Variants in TIGD6 observed in about 807,000 individuals in gnomAD.
TIGD6 encodes the protein tigger transposable element derived 6, also known as tigger transposable element-derived protein 6.
Under a neutral mutation model 2.6 loss-of-function variants are expected in TIGD6, and 1 was observed. The observed-to-expected ratio is 0.39, with a 90% CI of 0.14 to 1.85. The LOEUF (loss-of-function observed/expected upper bound fraction) is 1.85. TIGD6 is among the 40% of genes most tolerant of loss of function. TIGD6 has a pLI of 0.32. For missense variants in TIGD6, 601 were observed against 634.2 expected, an observed-to-expected ratio of 0.95 and a Z score of 0.56; for synonymous variants, 193 against 221.9, an observed-to-expected ratio of 0.87 and a Z score of 1.16.
intron 1 of TIGD6, 134 bp downstream of exon 1, chr5:150,000,340 A>C (rs1461726797): frequency 6.5e-6 from 1 of 153,030 alleles, no homozygotes; most frequent in African/African-American, 2.4e-5. Context: ...AAAGACTGAG[A>C]CAGGCTGAGG....
rs369451066 is a variant in TIGD6, at chr5:149,995,626, A to C, written c.723T>G (p.Ile241Met). 47 of 1,614,072 alleles carry C rather than the reference A, an allele frequency of 2.9e-5. No homozygotes were observed. In the African/African-American group the frequency reaches 5.2e-4, roughly 18 times the overall value. ...CTCGGTAATCACAAGGGAGGGAATG[A>C]ATGTTCTTGAGGCAGTGTGGGCTGG... ...RSASPHCLKN[I>M]HSLPCDYRAN... Residue 241 changes from isoleucine (I) to methionine (M), a missense_variant, in exon 2 of 2, where the codon ATT becomes ATG. Transcript: ENST00000296736.
intron 1 of TIGD6, among the ~76,000 whole-genome samples, chr5:149,998,987 TAAAGA>T (rs1755466643): frequency 6.6e-6 from 1 of 152,154 alleles, no homozygotes; most frequent in African/African-American, 2.4e-5. Context: ...TGGTGGGCCT[TAAAGA>T]ATAAACAAAT....
At chr5:149,999,480 G>C (rs966526500) in intron 1 of TIGD6, among the ~76,000 whole-genome samples, 3 of 152,090 alleles carry the variant, frequency 2.0e-5, no homozygotes, top group Non-Finnish European at 4.4e-5. Context: ...AGTAGTAATA[G>C]AGAGATGGTG....
chr5:149,996,470 T>C (rs565358609), intron 1 of TIGD6, 41 bp from the exon 2 acceptor site: 699 of 1,369,772 alleles, frequency 5.1e-4, no homozygotes, highest in Non-Finnish European at 6.4e-4. Flanking sequence ...AAACAATGGA[T>C]TTCCCCTAAA....
chr5:149,995,041 G>A lies in TIGD6; in HGVS notation c.1308C>T (p.Ile436=), dbSNP rs145618918. 7 of 1,614,084 alleles carry A rather than the reference G, an allele frequency of 4.3e-6. No homozygotes were observed. The African/African-American group carries it at 8.0e-5, about 18-fold the overall frequency. ...DLIISQDTDI[I]QDMVAGENTS... ...TATTTTCGCCAGCCACCATGTCCTG[G>A]ATGATGTCTGTGTCCTGAGAGATAA... is the stretch of plus-strand genomic sequence containing the variant. Residue 436 remains isoleucine (I), a synonymous_variant, in exon 2 of 2, where the codon ATC becomes ATT. Coordinates refer to ENST00000296736, the MANE Select transcript of TIGD6 (RefSeq NM_030953.4).
At chr5:149,997,697 C>T (rs757129266) in intron 1 of TIGD6, among the ~76,000 whole-genome samples, 2 of 150,410 alleles carry the variant, frequency 1.3e-5, no homozygotes, top group Non-Finnish European at 3.0e-5. Flanking sequence ...GGGTGGCTTA[C>T]GCCTGTAATC....
At position 149,996,404 on chromosome 5, in the gene TIGD6, G is replaced by T; in HGVS notation, c.-56C>A. 1 of 1,523,276 alleles carries T rather than the reference G, an allele frequency of 6.6e-7. No homozygotes were observed. The highest frequency in any genetic ancestry group is 8.8e-7 in the Non-Finnish European group (1 of 1,138,354). The allele number at this position is 1,523,276 out of a possible 1,614,324, so 94.4% of individuals were successfully genotyped here. A position where few individuals can be genotyped will look rare whatever the true frequency, so the allele number is the denominator to read the frequency against. ...CAGGACTGTCTGGTTCCTCCTCGCG[G>T]CTTGCTTTGCCCCAAGTGTGGAAAG... On this transcript the variant is annotated 5_prime_UTR_variant, in exon 2 of 2. Coordinates refer to ENST00000296736, the MANE Select transcript of TIGD6 (RefSeq NM_030953.4).
intron 1 of TIGD6, among the ~76,000 whole-genome samples, chr5:149,996,758 A>T (rs551026672): frequency 2.6e-5 from 4 of 152,368 alleles, no homozygotes; most frequent in Admixed American, 2.6e-4. Context: ...ATTCCGAGTT[A>T]TTCTCCAGCT....
At chr5:149,997,169 G>T (rs1182513173) in intron 1 of TIGD6, among the ~76,000 whole-genome samples, 1 of 152,182 alleles carries the variant, frequency 6.6e-6, no homozygotes, top group Non-Finnish European at 1.5e-5. Context: ...TACAAAGGGT[G>T]GTCAGGGATG....
chr5:149,995,528 C>G lies in TIGD6; in HGVS notation c.821G>C (p.Arg274Thr). The G allele has an allele frequency of 1.2e-6, 2 of 1,614,234 alleles. No individual in the cohort carries two copies. The highest frequency in any genetic ancestry group is 1.7e-6 in the Non-Finnish European group (2 of 1,180,044). The change falls in exon 2 of 2, where the codon AGG becomes ACG. Residue 274 changes from arginine to threonine, a missense_variant. Coordinates refer to ENST00000296736, the MANE Select transcript of TIGD6 (RefSeq NM_030953.4). ...GAGCAAGAGGATCCGGCGTTCCGCCCTCTTCATCCTGGCATCCACTTGCAT... is the reference window on the plus strand; with the variant it reads ...GAGCAAGAGGATCCGGCGTTCCGCCGTCTTCATCCTGGCATCCACTTGCAT... ...WLMQVDARMK[R>T]AERRILLLID...
rs1292821066 is a variant in TIGD6, at chr5:149,993,383, G to C, written c.*1400C>G. ...ACATCACACCATTAGCAGGTATTGT[G>C]TGAAACTTCTAAAAATGAAACTGAC... On this transcript the variant is annotated 3_prime_UTR_variant, in exon 2 of 2. Transcript: ENST00000296736. 1.3e-5 allele frequency: 2 copies of C among 152,132 alleles called. No individual in the cohort carries two copies. Among genetic ancestry groups the C allele is most frequent in the East Asian group, 3.8e-4 (2 of 5,196 alleles). 9.4% of individuals were successfully genotyped at this position (152,132 alleles called of 1,614,324 possible). A position where few individuals can be genotyped will look rare whatever the true frequency, so the allele number is the denominator to read the frequency against.
rs1389553064 is a variant in TIGD6 at position 149,995,463 on chromosome 5, C to T, written c.886G>A (p.Glu296Lys). The T allele has an allele frequency of 3.7e-6, 6 of 1,614,238 alleles. No individual in the cohort carries two copies. In the East Asian group the frequency reaches 1.3e-4, roughly 36 times the overall value. Residue 296 changes from glutamate (E) to lysine (K), a missense_variant, in exon 2 of 2, where the codon GAA becomes AAA. Transcript: ENST00000296736. ...CSAHNMLPHL[E>K]RIQVGYLPSN... is the part of the protein sequence containing the mutation. ...GGCAGATACCCAACCTGAATCCTTT[C>T]CAAGTGTGGAAGCATGTTATGAGCA...
Position 149,996,249 on chromosome 5 carries a change from C to T in TIGD6, c.100G>A (p.Ala34Thr), listed in dbSNP as rs1244483029. Residue 34 changes from alanine (A) to threonine (T), a missense_variant, in exon 2 of 2, where the codon GCA (alanine) becomes ACA (threonine). Transcript: ENST00000296736. ...VDSGKRKGDV[A>T]KEFGITPSTL... The stretch of plus-strand genomic sequence containing the variant: ...GAGGGAGTGATACCAAATTCTTTTG[C>T]CACATCACCTTTCCTCTTGCCTGAG... 6.2e-7 allele frequency: 1 copy of T among 1,614,154 alleles called. No homozygotes were observed. Among genetic ancestry groups the T allele is most frequent in the Non-Finnish European group, 8.5e-7 (1 of 1,180,034 alleles).
chr5:149,996,038 T>G lies in TIGD6; in HGVS notation c.311A>C (p.Lys104Thr). ...ILVTGSVIRKKALNLANMLGY... is the reference protein window; with the variant it reads ...ILVTGSVIRKTALNLANMLGY... ...AAGCATGTTGGCCAAGTTTAGTGCTTTTTTCCGAATGACAGAACCAGTCAC... is the reference window on the plus strand; with the variant it reads ...AAGCATGTTGGCCAAGTTTAGTGCTGTTTTCCGAATGACAGAACCAGTCAC... The change falls in exon 2 of 2, where the codon AAA becomes ACA. Residue 104 changes from lysine to threonine, a missense_variant. Lys to Thr is a moderately conservative substitution (Grantham distance 78). Transcript: ENST00000296736. 1.2e-6 allele frequency: 2 copies of G among 1,612,390 alleles called. No homozygotes were observed. Among genetic ancestry groups the G allele is most frequent in the South Asian group, 2.2e-5 (2 of 91,078 alleles).
rs773887955 is a variant in TIGD6 at position 149,996,105 on chromosome 5, CA to C, written c.243del (p.Val82PhefsTer15). 6.2e-7 allele frequency: 1 copy of C among 1,614,154 alleles called. No homozygotes were observed. Among genetic ancestry groups the C allele is most frequent in the Non-Finnish European group, 8.5e-7 (1 of 1,180,024 alleles). On this transcript the variant is annotated frameshift_variant, in exon 2 of 2. Coordinates refer to ENST00000296736, the MANE Select transcript of TIGD6 (RefSeq NM_030953.4). LOFTEE classifies it low-confidence loss of function (END_TRUNC). ...TGGATTTCTTGAAACCAAGCAAAAACAGCCTTATCAATGTCATCATAAAGAG... is the reference window on the plus strand; with the variant it reads ...TGGATTTCTTGAAACCAAGCAAAAACGCCTTATCAATGTCATCATAAAGAG... ...RSALYDDIDK[A>X]VFAWFQEIHA... is the part of the protein sequence containing the mutation.
rs539520583 is a variant in TIGD6, at chr5:149,994,065, C to G, written c.*718G>C. The G allele has an allele frequency of 2.0e-4, 30 of 152,252 alleles. No homozygotes were observed. Among genetic ancestry groups the G allele is most frequent in the African/African-American group, 5.8e-4 (24 of 41,544 alleles). 9.4% of individuals were successfully genotyped at this position (152,252 alleles called of 1,614,324 possible). A position where few individuals can be genotyped will look rare whatever the true frequency, so the allele number is the denominator to read the frequency against. ...GATGGGGGAGTATTCAGATGGCCAGCTAAAGAGAGAAGTTCTAGAACTCAG... is the reference window on the plus strand; with the variant it reads ...GATGGGGGAGTATTCAGATGGCCAGGTAAAGAGAGAAGTTCTAGAACTCAG... On this transcript the variant is annotated 3_prime_UTR_variant, in exon 2 of 2. Transcript: ENST00000296736.
In TIGD6 at chr5:149,996,048, T is replaced by G. The variant is rs1326241542; in HGVS notation, c.301A>C (p.Ile101Leu). 1.2e-6 allele frequency: 2 copies of G among 1,613,058 alleles called. No homozygotes were observed. Among genetic ancestry groups the G allele is most frequent in the Non-Finnish European group, 1.7e-6 (2 of 1,180,028 alleles). Residue 101 changes from isoleucine (I) to leucine (L), a missense_variant, in exon 2 of 2, where the codon ATT becomes CTT. Ile to Leu is a conservative substitution (Grantham distance 5). Coordinates refer to ENST00000296736, the MANE Select transcript of TIGD6 (RefSeq NM_030953.4). ...AKNILVTGSV[I>L]RKKALNLANM... ...GCCAAGTTTAGTGCTTTTTTCCGAA[T>G]GACAGAACCAGTCACAAGAATGTTT...
rs1367771571 is a variant in TIGD6 at position 149,996,152 on chromosome 5, T to C, written c.197A>G (p.Gln66Arg). The change falls in exon 2 of 2, where the codon CAG becomes CGG. Residue 66 changes from glutamine to arginine, a missense_variant. Transcript: ENST00000296736. ...EKVREASVGP[Q>R]RKRMRSALYD... Reference sequence around the variant, plus strand: ...AAGAGCGCTCCTCATCCTTTTCCGCTGGGGTCCCACGGATGCCTCCCGCAC... The same window carrying C: ...AAGAGCGCTCCTCATCCTTTTCCGCCGGGGTCCCACGGATGCCTCCCGCAC... 1.9e-6 allele frequency: 3 copies of C among 1,610,104 alleles called. No individual in the cohort carries two copies. The Admixed American group carries it at 5.0e-5, about 27-fold the overall frequency.
chr5:150,000,480 G>GC lies in TIGD6; in HGVS notation c.-89dup, dbSNP rs1248479189. The GC allele has an allele frequency of 6.5e-6, 1 of 154,382 alleles. No individual in the cohort carries two copies. The highest frequency in any genetic ancestry group is 6.5e-5 in the Admixed American group (1 of 15,298). 9.6% of individuals were successfully genotyped at this position (154,382 alleles called of 1,614,324 possible). A position where few individuals can be genotyped will look rare whatever the true frequency, so the allele number is the denominator to read the frequency against. ...ACAGCCCCGCCCCTGTTACCTGAAC[G>GC]CCCCACAGCAGTGCCCGGGGGCTGA... is the stretch of plus-strand genomic sequence containing the variant. On this transcript the variant is annotated 5_prime_UTR_variant, in exon 1 of 2. Transcript: ENST00000296736.
Sources: gnomAD v4.1 joint callset for allele counts (sites outside exome capture counted in the v4.1 genomes callset) on GRCh38, gnomAD v4.1.1 for gene constraint, MANE v1.5 for transcripts, NCBI Gene and HGNC (gene_info 2026-07-23, HGNC 2026-07-21) for gene names.